The following MSH3 variants were observed in gnomAD, a reference collection of about 807,000 sequenced individuals.
The protein encoded by MSH3 is mutS homolog 3.
In MSH3, 106 loss-of-function variants were observed where a neutral mutation model predicts 123.3. The ratio of observed to expected loss-of-function variants is 0.86; its 90% CI spans 0.73 to 1.01. The LOEUF (loss-of-function observed/expected upper bound fraction) is 1.01, where lower values mean the gene tolerates loss of function less well. MSH3 is among the 50% of genes least tolerant of loss of function. The probability of loss-of-function intolerance (pLI) is 0.00; values close to 1 mark genes in which losing one functional copy is unlikely to be tolerated. For synonymous variants in MSH3, 515 were observed against 481.4 expected (o/e 1.07, Z -0.91); for missense variants, 1,459 against 1,347.6 (o/e 1.08, Z -1.29).
intron 12 of MSH3, chr5:80,746,594 T>C: frequency 2.6e-6 from 1 of 377,418 alleles, no homozygotes; most frequent in Non-Finnish European, 5.2e-6. Context: ...GTTCGTTTTC[T>C]TTGTTCGCAT....
At chr5:80,785,378 A>G (rs1014506133) in intron 17 of MSH3, among the ~76,000 whole-genome samples, 1 of 152,190 alleles carries the variant, frequency 6.6e-6, no homozygotes, top group Non-Finnish European at 1.5e-5. Flanking sequence ...ACTGGCCATC[A>G]GAGAAATGCA....
At chr5:80,875,488 C>T (rs1198018189) in intron 23 of MSH3, among the ~76,000 whole-genome samples, 1 of 152,130 alleles carries the variant, frequency 6.6e-6, no homozygotes, top group Non-Finnish European at 1.5e-5. Context: ...AGGAGGAGGT[C>T]AGGTTCTCCC....
rs1743353245 is a variant in MSH3 at position 80,728,895 on chromosome 5, A to G, written c.1498A>G (p.Ile500Val). 6.8e-6 allele frequency: 11 copies of G among 1,612,720 alleles called. No homozygotes were observed. Among genetic ancestry groups the G allele is most frequent in the South Asian group, 1.1e-5 (1 of 91,034 alleles). ...SGIVNLEKPV[I>V]CSLAAIIKYL... ...CATTGTTAACTTAGAGAAGCCTGTGATTTGCTCTTTGGCTGCCATCATAAA... is the reference window on the plus strand; with the variant it reads ...CATTGTTAACTTAGAGAAGCCTGTGGTTTGCTCTTTGGCTGCCATCATAAA... Residue 500 changes from isoleucine (I) to valine (V), a missense_variant, in exon 10 of 24, where the codon ATT becomes GTT. Transcript: ENST00000265081.
Position 80,778,571 on chromosome 5 carries a change from G to A in MSH3, c.2319-149G>A, listed in dbSNP as rs1196146276. ...TATTCTTTGGAATCAGTAGAGTTCA[G>A]GACCATAATTAAAGAATGTTCTTCT... is the stretch of plus-strand genomic sequence containing the variant. On this transcript the variant is annotated intron_variant, in intron 16 of 23. Transcript: ENST00000265081. 4.5e-6 allele frequency: 3 copies of A among 664,898 alleles called. No homozygotes were observed. In the East Asian group the frequency reaches 8.2e-5, roughly 18 times the overall value. 41.2% of individuals were successfully genotyped at this position (664,898 alleles called of 1,614,324 possible).
At chr5:80,675,620 C>T (rs1298858999) in intron 7 of MSH3, among the ~76,000 whole-genome samples, 1 of 152,196 alleles carries the variant, frequency 6.6e-6, no homozygotes, top group Admixed American at 6.5e-5. Flanking sequence ...AATCACCTCC[C>T]ACCAGGTCTC....
chr5:80,769,116 G>T, intron 15 of MSH3, 113 bp downstream of exon 15: 1 of 958,800 alleles, frequency 1.0e-6, no homozygotes, highest in Non-Finnish European at 1.6e-6. Context: ...CAAATTTTCT[G>T]TTTTATTCCT....
At chr5:80,799,532 T>TTA (rs60135681) in intron 19 of MSH3, among the ~76,000 whole-genome samples, 1 of 112,146 alleles carries the variant, frequency 8.9e-6, no homozygotes, top group Non-Finnish European at 1.9e-5. Flanking sequence ...TTTTTTTTTT[T>TTA]ACAGAAAATT....
At position 80,773,475 on chromosome 5, in the gene MSH3, A is replaced by T. The variant is rs3756635; in HGVS notation, c.2254-2219A>T. On this transcript the variant is annotated intron_variant, in intron 15 of 23. Coordinates refer to ENST00000265081, the MANE Select transcript of MSH3 (RefSeq NM_002439.5). Reference sequence around the variant, plus strand: ...AATGAGGGCATCACTAGTTCAAAACAGTTTTCTAATGATGAAATTTTTTAG... The same window carrying T: ...AATGAGGGCATCACTAGTTCAAAACTGTTTTCTAATGATGAAATTTTTTAG... 7.1e-4 allele frequency among the ~76,000 whole-genome samples: 108 copies of T among 152,322 alleles called. 6 individuals are homozygous for T. In the East Asian group the frequency reaches 0.021, roughly 29 times the overall value.
chr5:80,673,010 A>G (rs1185906378), intron 6 of MSH3, 152 bp downstream of exon 6: 1 of 701,796 alleles, frequency 1.4e-6, no homozygotes, highest in Non-Finnish European at 2.6e-6. Context: ...TAGGTGTGCT[A>G]TTCAAGAGGG....
intron 22 of MSH3, among the ~76,000 whole-genome samples, chr5:80,866,763 G>T (rs1165111934): frequency 2.6e-5 from 4 of 152,058 alleles, no homozygotes; most frequent in Admixed American, 2.0e-4. Context: ...TTATTGCCAT[G>T]CTAAATATTG....
chr5:80,736,683 C>T (rs1743514947), intron 10 of MSH3, among the ~76,000 whole-genome samples: 1 of 152,094 alleles, frequency 6.6e-6, no homozygotes, highest in African/African-American at 2.4e-5. Context: ...AATTTTGGTA[C>T]ATGGTAGGGA....
intron 15 of MSH3, among the ~76,000 whole-genome samples, chr5:80,770,340 A>G (rs1744195263): frequency 6.6e-6 from 1 of 151,716 alleles, no homozygotes; most frequent in Non-Finnish European, 1.5e-5. Context: ...ATGCTATACG[A>G]CCATGGAAGA....
chr5:80,787,288 CA>C, intron 17 of MSH3, among the ~76,000 whole-genome samples: 1 of 152,148 alleles, frequency 6.6e-6, no homozygotes, highest in Non-Finnish European at 1.5e-5. Context: ...GTTCAAATGT[CA>C]GGGTCAGATG....
At chr5:80,770,901 G>A (rs1490833835) in intron 15 of MSH3, among the ~76,000 whole-genome samples, 3 of 152,184 alleles carry the variant, frequency 2.0e-5, no homozygotes, top group African/African-American at 7.2e-5. Flanking sequence ...TTCATTATGA[G>A]TGTGGCATTG....
chr5:80,854,693 A>G (rs1196400430), intron 21 of MSH3, among the ~76,000 whole-genome samples: 4 of 152,202 alleles, frequency 2.6e-5, no homozygotes, highest in African/African-American at 9.6e-5. Context: ...CCTGCAAGTG[A>G]TCATTAGAAT....
At chr5:80,777,908 G>T (rs1012972791) in intron 16 of MSH3, among the ~76,000 whole-genome samples, 1 of 152,076 alleles carries the variant, frequency 6.6e-6, no homozygotes, top group African/African-American at 2.4e-5. Flanking sequence ...ATACTTACAG[G>T]CGCTCTCCTA....
Position 80,768,105 on chromosome 5 carries a change from A to G in MSH3, c.2069A>G (p.Asn690Ser), listed in dbSNP as rs575779178. The change falls in exon 14 of 24, where the codon AAT (asparagine) becomes AGT (serine). Residue 690 changes from asparagine (N) to serine (S), a missense_variant. Asn to Ser is a conservative substitution (Grantham distance 46). Coordinates refer to ENST00000265081, the MANE Select transcript of MSH3 (RefSeq NM_002439.5). Reference protein sequence around the residue: ...SPVEHYLKILNEQAAKVGDKT... With the variant: ...SPVEHYLKILSEQAAKVGDKT... Reference sequence around the variant, plus strand: ...GTGGAGCATTACTTAAAGATACTCAATGAACAAGCTGCCAAGTAAGTACCA... The same window carrying G: ...GTGGAGCATTACTTAAAGATACTCAGTGAACAAGCTGCCAAGTAAGTACCA... 109 of 1,613,724 alleles carry G rather than the reference A, an allele frequency of 6.8e-5. No individual in the cohort carries two copies. The Admixed American group carries it at 8.2e-4, about 12-fold the overall frequency.
intron 3 of MSH3, 128 bp downstream of exon 3, chr5:80,665,491 A>G (rs1464054176): frequency 2.7e-6 from 2 of 728,762 alleles, no homozygotes; most frequent in Non-Finnish European, 4.6e-6. Flanking sequence ...CATCTGAGGG[A>G]GCTTTTGTGT....
At chr5:80,791,570 T>A (rs1361856256) in intron 18 of MSH3, among the ~76,000 whole-genome samples, 1 of 152,188 alleles carries the variant, frequency 6.6e-6, no homozygotes, top group African/African-American at 2.4e-5. Context: ...AGATTTGCTG[T>A]GTTTAAATTC....
Sources: gnomAD v4.1 joint callset for allele counts (sites outside exome capture counted in the v4.1 genomes callset) on GRCh38, gnomAD v4.1.1 for gene constraint, MANE v1.5 for transcripts, NCBI Gene and HGNC (gene_info 2026-07-23, HGNC 2026-07-21) for gene names.